AHCY: variants seen among roughly 807,000 people sequenced by gnomAD.
AHCY encodes the protein adenosylhomocysteinase.
AHCY carries 24 observed loss-of-function variants against 45.4 expected under a neutral mutation model. That is an observed-to-expected ratio of 0.53 (90% CI 0.38 to 0.74). The LOEUF (loss-of-function observed/expected upper bound fraction) is 0.74, where lower values mean the gene tolerates loss of function less well. AHCY is among the 30% of genes least tolerant of loss of function. The pLI is 0.00. For missense variants in AHCY, 449 were observed against 594.1 expected (o/e 0.76, Z 2.54); for synonymous variants, 245 against 235.1 (o/e 1.04, Z -0.39).
At chr20:34,264,789 A>ATTT in the AHCY span, among the ~76,000 whole-genome samples, 195 of 104,154 alleles carry the variant, frequency 1.9e-3, 1 homozygote, top group African/African-American at 3.7e-3. Context: ...AGTTTACTTC[A>ATTT]TTTTTTTTTT....
At chr20:34,294,305 G>A in intron 2 of AHCY, 149 bp from the exon 3 acceptor site, 1 of 784,710 alleles carries the variant, frequency 1.3e-6, no homozygotes, top group Admixed American at 2.0e-5. Context: ...TGGGGATGCT[G>A]GGTGGGCAGA....
Position 34,280,699 on chromosome 20 carries a change from A to G in AHCY, c.*335T>C. 1 of 390,966 alleles carries G rather than the reference A, an allele frequency of 2.6e-6. No homozygotes were observed. 24.2% of individuals were successfully genotyped at this position (390,966 alleles called of 1,614,324 possible). Reference sequence around the variant, plus strand: ...AAGTCCACAGACCAGGTGAAGGCCTAGATGGCAAAACACATGGGCTTTGTG... The same window carrying G: ...AAGTCCACAGACCAGGTGAAGGCCTGGATGGCAAAACACATGGGCTTTGTG... On this transcript the variant is annotated 3_prime_UTR_variant, in exon 10 of 10. Coordinates refer to ENST00000217426, the MANE Select transcript of AHCY (RefSeq NM_000687.4).
At chr20:34,292,966 C>T (rs2036449118) in intron 3 of AHCY, among the ~76,000 whole-genome samples, 1 of 152,132 alleles carries the variant, frequency 6.6e-6, no homozygotes, top group South Asian at 2.1e-4. Context: ...CGGCAGGATC[C>T]AGGGTTTGCT....
upstream of AHCY, among the ~76,000 whole-genome samples, chr20:34,305,955 G>T (rs6120606): frequency 1.3e-5 from 2 of 151,642 alleles, no homozygotes; most frequent in Non-Finnish European, 2.9e-5. Context: ...GATGGTGCAC[G>T]TCTGTAAACT....
chr20:34,288,478 G>A (rs558356543), intron 8 of AHCY, among the ~76,000 whole-genome samples: 16 of 152,198 alleles, frequency 1.1e-4, no homozygotes, highest in African/African-American at 3.9e-4. Flanking sequence ...GACCAGCCTG[G>A]GGAACACAGC....
rs757627258 is a variant in AHCY at position 34,281,079 on chromosome 20, G to A, written c.1254C>T (p.Gly418=). ...GCTTGAAGGGGCCATCACAGGACAT[G>A]CCCAGGTACTGGGCTTGCTTCTCAG... ...KLTEKQAQYL[G]MSCDGPFKPD... The change falls in exon 10 of 10, where the codon GGC becomes GGT. Residue 418 remains glycine (G), a synonymous_variant. Coordinates refer to ENST00000217426, the MANE Select transcript of AHCY (RefSeq NM_000687.4). 1.1e-5 allele frequency: 18 copies of A among 1,614,044 alleles called. No individual in the cohort carries two copies. The South Asian group carries it at 1.9e-4, about 17-fold the overall frequency.
chr20:34,236,179 A>C, the AHCY span, among the ~76,000 whole-genome samples: 1 of 151,932 alleles, frequency 6.6e-6, no homozygotes, highest in Non-Finnish European at 1.5e-5. Context: ...AAAGAAAGAA[A>C]GAAAAGGCTA....
chr20:34,291,356 T>C (rs2036385855), intron 5 of AHCY, 63 bp downstream of exon 5: 1 of 1,473,828 alleles, frequency 6.8e-7, no homozygotes, highest in Non-Finnish European at 9.5e-7. Context: ...GGCACTCTTC[T>C]TCAGAGGCCT....
intron 3 of AHCY, among the ~76,000 whole-genome samples, chr20:34,292,932 G>A (rs819158): frequency 0.72 from 109,203 of 151,606 alleles, 43,842 homozygotes; most frequent in Non-Finnish European, 0.89. Flanking sequence ...ACCCCACAAC[G>A]CCTCCCCCTC....
chr20:34,304,607 C>T (rs992726269), upstream of AHCY, among the ~76,000 whole-genome samples: 5 of 151,956 alleles, frequency 3.3e-5, no homozygotes, highest in Non-Finnish European at 7.4e-5. Context: ...GCAACCTCCA[C>T]CTCCCGGGTT....
At chr20:34,265,378 A>G in the AHCY span, among the ~76,000 whole-genome samples, 25 of 152,190 alleles carry the variant, frequency 1.6e-4, no homozygotes, top group South Asian at 5.0e-3. Flanking sequence ...TAAAAAATTA[A>G]CTGGGTGTGG....
the AHCY span, among the ~76,000 whole-genome samples, chr20:34,258,698 A>ATATATATATATATATATAC: frequency 3.2e-5 from 2 of 62,042 alleles, 1 homozygote; most frequent in African/African-American, 1.8e-4. Context: ...TATACATACT[A>ATATATATATATATATATAC]TATATATATA....
the AHCY span, among the ~76,000 whole-genome samples, chr20:34,254,359 G>A: frequency 3.2e-4 from 49 of 152,308 alleles, no homozygotes; most frequent in African/African-American, 1.1e-3. Context: ...CACAGGGCCC[G>A]GCCTAGCATT....
rs183026743 is a variant in AHCY, at chr20:34,282,096, C to T, written c.1168-931G>A. On this transcript the variant is annotated intron_variant, in intron 9 of 9. Transcript: ENST00000217426. ...TTAAGAATTAGAGCCTAATCCCCACCGCCTCCCCCCACCCCACCGAGTGAT... is the reference window on the plus strand; with the variant it reads ...TTAAGAATTAGAGCCTAATCCCCACTGCCTCCCCCCACCCCACCGAGTGAT... Among the ~76,000 whole-genome samples, 12 of 152,208 alleles carry T rather than the reference C, an allele frequency of 7.9e-5. No individual in the cohort carries two copies. In the East Asian group the frequency reaches 1.5e-3, roughly 20 times the overall value.
chr20:34,272,079 G>C, the AHCY span, among the ~76,000 whole-genome samples: 1 of 151,694 alleles, frequency 6.6e-6, no homozygotes, highest in East Asian at 1.9e-4. Flanking sequence ...AGGGGTGCTA[G>C]AGGAGCCAAG....
At chr20:34,303,416 C>T, upstream of AHCY, 1 of 1,233,946 alleles carries the variant, frequency 8.1e-7, no homozygotes, top group Non-Finnish European at 1.2e-6. Context: ...TCATGACCCG[C>T]TGGGGCGGGG....
chr20:34,232,028 C>T, the AHCY span, among the ~76,000 whole-genome samples: 1 of 152,320 alleles, frequency 6.6e-6, no homozygotes, highest in South Asian at 2.1e-4. Context: ...GCAGCATGAG[C>T]ATTAACTTTT....
At chr20:34,247,155 GT>G in the AHCY span, among the ~76,000 whole-genome samples, 2 of 152,098 alleles carry the variant, frequency 1.3e-5, no homozygotes, top group Middle Eastern at 6.8e-3. Flanking sequence ...AATGTAGCCC[GT>G]TGTGTTTAAC....
intron 1 of AHCY, among the ~76,000 whole-genome samples, chr20:34,297,265 C>T (rs539081124): frequency 1.3e-5 from 2 of 152,120 alleles, no homozygotes; most frequent in South Asian, 4.2e-4. Flanking sequence ...AATCACAACC[C>T]CACCAAGACA....
Sources: gnomAD v4.1 joint callset for allele counts (sites outside exome capture counted in the v4.1 genomes callset) on GRCh38, gnomAD v4.1.1 for gene constraint, MANE v1.5 for transcripts, NCBI Gene and HGNC (gene_info 2026-07-23, HGNC 2026-07-21) for gene names.